NR6A1: variants seen among roughly 807,000 people sequenced by gnomAD.
NR6A1 encodes the protein nuclear receptor subfamily 6 group A member 1.
Under a neutral mutation model 59.1 loss-of-function variants are expected in NR6A1, and 7 were observed. The ratio of observed to expected loss-of-function variants is 0.12; its 90% confidence interval spans 0.07 to 0.22. NR6A1 has a LOEUF of 0.22. Ranked by LOEUF, NR6A1 falls within the 10% of genes least tolerant of loss-of-function variation. The pLI, the probability that NR6A1 is intolerant of heterozygous loss-of-function variation, is 1.00. For synonymous variants in NR6A1, 243 were observed against 236.1 expected, an observed-to-expected ratio of 1.03 and a Z score of -0.27; for missense variants, 468 against 611.6, an observed-to-expected ratio of 0.77 and a Z score of 2.48.
chr9:124,612,793 T>TTTTC (rs72252917), intron 2 of NR6A1, among the ~76,000 whole-genome samples: 8,380 of 145,546 alleles, frequency 0.058, 341 homozygotes, highest in East Asian at 0.18. Flanking sequence ...TCTTTCTTTC[T>TTTTC]TTTCTTTCTT....
In NR6A1 at chr9:124,698,652, T is replaced by A. The variant is rs1838840754; in HGVS notation, c.142+34656A>T. On this transcript the variant is annotated intron_variant, in intron 2 of 9. Transcript: ENST00000487099. ...TCAAATGAATTTTTAACTTTTTTTA[T>A]CAAACGAATTTTCTTGTAATTTCTA... is the stretch of plus-strand genomic sequence containing the variant. The A allele has an allele frequency of 2.0e-5, 3 of 152,206 alleles. No individual in the cohort carries two copies. In the South Asian group the frequency reaches 6.2e-4, roughly 31 times the overall value. 9.4% of individuals were successfully genotyped at this position (152,206 alleles called of 1,614,324 possible).
intron 2 of NR6A1, among the ~76,000 whole-genome samples, chr9:124,630,479 C>T (rs1335533640): frequency 1.3e-5 from 2 of 151,042 alleles, no homozygotes; most frequent in African/African-American, 2.4e-5. Context: ...TCAGGTGATC[C>T]GCCTGCTTTG....
intron 2 of NR6A1, among the ~76,000 whole-genome samples, chr9:124,648,853 G>T (rs1837013040): frequency 6.6e-6 from 1 of 151,602 alleles, no homozygotes; most frequent in South Asian, 2.1e-4. Flanking sequence ...ACTTACAAAA[G>T]CTCTAAAAAA....
intron 2 of NR6A1, among the ~76,000 whole-genome samples, chr9:124,706,769 G>C (rs1204496366): frequency 6.6e-6 from 1 of 152,100 alleles, no homozygotes; most frequent in Non-Finnish European, 1.5e-5. Flanking sequence ...ACCCACCTCA[G>C]CCTCCCAAAG....
chr9:124,610,891 G>A (rs1011927865), intron 2 of NR6A1, among the ~76,000 whole-genome samples: 1 of 152,138 alleles, frequency 6.6e-6, no homozygotes, highest in Non-Finnish European at 1.5e-5. Context: ...GCATAGAGGT[G>A]TTTATAATTG....
chr9:124,658,901 A>G (rs1205960163), intron 2 of NR6A1, among the ~76,000 whole-genome samples: 1 of 152,196 alleles, frequency 6.6e-6, no homozygotes, highest in Non-Finnish European at 1.5e-5. Context: ...TCAGAACAGA[A>G]GCTTTTTATA....
chr9:124,538,014 G>A (rs1833323777), intron 6 of NR6A1, 78 bp downstream of exon 6: 1 of 1,209,292 alleles, frequency 8.3e-7, no homozygotes, highest in Non-Finnish European at 1.2e-6. Context: ...CACGGGTATA[G>A]GAGCCAGGGA....
Position 124,536,147 on chromosome 9 carries a change from CA to C in NR6A1, c.825-16del. On this transcript the variant is annotated splice_polypyrimidine_tract_variant and intron_variant, in intron 6 of 9. Transcript: ENST00000487099. ...TCACAGCGTATCTGAGGGGCAGGGA[CA>C]GGGGAAAGTCACTTCCATTGGTCAG... 4 of 1,607,040 alleles carry C rather than the reference CA, an allele frequency of 2.5e-6. No homozygotes were observed. Among genetic ancestry groups the C allele is most frequent in the African/African-American group, 1.3e-5 (1 of 74,938 alleles).
At chr9:124,681,117 C>G (rs117963335) in intron 2 of NR6A1, among the ~76,000 whole-genome samples, 1 of 152,180 alleles carries the variant, frequency 6.6e-6, no homozygotes. Flanking sequence ...ACATAAAGCA[C>G]TTCTGCACAG....
chr9:124,541,383 A>G (rs1027393021), intron 4 of NR6A1, among the ~76,000 whole-genome samples: 2 of 152,200 alleles, frequency 1.3e-5, no homozygotes, highest in Admixed American at 1.3e-4. Context: ...AAGATGCTCA[A>G]TATCACTTAT....
intron 2 of NR6A1, among the ~76,000 whole-genome samples, chr9:124,637,834 G>C (rs193146794): frequency 1.4e-5 from 2 of 146,826 alleles, no homozygotes; most frequent in East Asian, 4.1e-4. Flanking sequence ...AGAAGTTGCA[G>C]TGAGCTGAGA....
rs1206606147 is a variant in NR6A1 at position 124,538,333 on chromosome 9, T to A, written c.597-14A>T. On this transcript the variant is annotated splice_polypyrimidine_tract_variant and intron_variant, in intron 5 of 9. Coordinates refer to ENST00000487099, the MANE Select transcript of NR6A1 (RefSeq NM_033334.4). ...TCCACAGACCTACTGGAGAGAAAAGTCTTGCGTCAAACAGAGCCATGGCAA... is the reference window on the plus strand; with the variant it reads ...TCCACAGACCTACTGGAGAGAAAAGACTTGCGTCAAACAGAGCCATGGCAA... 4.4e-6 allele frequency: 7 copies of A among 1,602,560 alleles called. No individual in the cohort carries two copies. The highest frequency in any genetic ancestry group is 6.0e-6 in the Non-Finnish European group (7 of 1,170,918).
At position 124,617,444 on chromosome 9, in the gene NR6A1, C is replaced by A. The variant is rs1185575715; in HGVS notation, c.143-62874G>T. Among the ~76,000 whole-genome samples, 3 of 152,192 alleles carry A rather than the reference C, an allele frequency of 2.0e-5. No individual in the cohort carries two copies. In the East Asian group the frequency reaches 5.8e-4, roughly 29 times the overall value. ...GGAAACACAATTAGCTAGCGCAGGG[C>A]ACCTAGGTGTTATTATTTGGCCACT... On this transcript the variant is annotated intron_variant, in intron 2 of 9. Coordinates refer to ENST00000487099, the MANE Select transcript of NR6A1 (RefSeq NM_033334.4).
chr9:124,650,793 T>C (rs1837077026), intron 2 of NR6A1, among the ~76,000 whole-genome samples: 1 of 152,180 alleles, frequency 6.6e-6, no homozygotes, highest in East Asian at 1.9e-4. Flanking sequence ...GGCTCACTGG[T>C]GAATTCTAGT....
intron 2 of NR6A1, among the ~76,000 whole-genome samples, chr9:124,709,474 T>C (rs1839214614): frequency 6.6e-6 from 1 of 152,068 alleles, no homozygotes; most frequent in African/African-American, 2.4e-5. Flanking sequence ...TTTTCCATCA[T>C]GGACACAGAA....
chr9:124,590,186 G>A lies in NR6A1; in HGVS notation c.143-35616C>T, dbSNP rs111310393. Among the ~76,000 whole-genome samples, 782 of 148,792 alleles carry A rather than the reference G, an allele frequency of 5.3e-3. 5 individuals are homozygous for A. The highest frequency in any genetic ancestry group is 0.019 in the African/African-American group (755 of 40,354). On this transcript the variant is annotated intron_variant, in intron 2 of 9. Coordinates refer to ENST00000487099, the MANE Select transcript of NR6A1 (RefSeq NM_033334.4). ...GCTAATGGTAAATAGGATGCTAACA[G>A]AGAAACAGAAAAATGAGGTTTCGAC...
At chr9:124,641,259 T>C (rs539501673) in intron 2 of NR6A1, among the ~76,000 whole-genome samples, 1 of 149,904 alleles carries the variant, frequency 6.7e-6, no homozygotes, top group East Asian at 2.0e-4. Context: ...CTTGGGAGGA[T>C]GAGGCAGGAG....
At chr9:124,644,471 C>T (rs1209799906) in intron 2 of NR6A1, among the ~76,000 whole-genome samples, 1 of 151,706 alleles carries the variant, frequency 6.6e-6, no homozygotes, top group South Asian at 2.1e-4. Flanking sequence ...AGGCTGGTCT[C>T]GAACTCCTGA....
intron 6 of NR6A1, among the ~76,000 whole-genome samples, 158 bp downstream of exon 6, chr9:124,537,934 T>A (rs527731580): frequency 6.6e-6 from 1 of 152,314 alleles, no homozygotes; most frequent in African/African-American, 2.4e-5. Context: ...AAGGGATCAC[T>A]GGTTTCAAAG....
Sources: gnomAD v4.1 joint callset for allele counts (sites outside exome capture counted in the v4.1 genomes callset) on GRCh38, gnomAD v4.1.1 for gene constraint, MANE v1.5 for transcripts, NCBI Gene and HGNC (gene_info 2026-07-23, HGNC 2026-07-21) for gene names.